MTOR: variants seen among roughly 807,000 people sequenced by gnomAD.
MTOR encodes the protein mechanistic target of rapamycin kinase.
Under a neutral mutation model 319.8 loss-of-function variants are expected in MTOR, and 70 were observed. The ratio of observed to expected loss-of-function variants is 0.22; its 90% confidence interval spans 0.18 to 0.27. The LOEUF (loss-of-function observed/expected upper bound fraction) is 0.27. Ranked by LOEUF, MTOR falls within the 10% of genes least tolerant of loss-of-function variation. The pLI is 1.00. For synonymous variants in MTOR, 1,183 were observed against 1,211.4 expected, an observed-to-expected ratio of 0.98 and a Z score of 0.49; for missense variants, 1,890 against 3,274.4, an observed-to-expected ratio of 0.58 and a Z score of 10.32.
At position 11,121,348 on chromosome 1, in the gene MTOR, G is replaced by A. The variant is rs1642513866; in HGVS notation, c.6831C>T (p.His2277=). ...IMLRMAPDYD[H]LTLMQKVEVF... is the part of the protein sequence containing the mutation. ...CCTCCACCTTCTGCATCAGAGTCAA[G>A]TGGTCATAGTCCGGAGCCATCTGCA... The change falls in exon 49 of 58, where the codon CAC becomes CAT. Residue 2277 remains histidine, a synonymous_variant. Transcript: ENST00000361445. This position sits in a 1 kb window ranked among gnomAD's most constrained non-coding sequence, Gnocchi z 4.9. 1 of 1,614,154 alleles carries A rather than the reference G, an allele frequency of 6.2e-7. No individual in the cohort carries two copies. The highest frequency in any genetic ancestry group is 8.5e-7 in the Non-Finnish European group (1 of 1,180,034).
intron 19 of MTOR, among the ~76,000 whole-genome samples, chr1:11,228,163 C>T (rs191605231): frequency 2.2e-4 from 34 of 151,902 alleles, no homozygotes; most frequent in Middle Eastern, 3.4e-3. Flanking sequence ...AATGACAATG[C>T]TTTTCCTCCC....
At chr1:11,158,185 T>G (rs1202992143) in intron 29 of MTOR, among the ~76,000 whole-genome samples, 1 of 152,188 alleles carries the variant, frequency 6.6e-6, no homozygotes, top group African/African-American at 2.4e-5. Context: ...AAATGACTAT[T>G]TTTGCACAGG....
At chr1:11,252,901 T>C (rs959899881) in intron 6 of MTOR, among the ~76,000 whole-genome samples, 4 of 152,218 alleles carry the variant, frequency 2.6e-5, no homozygotes, top group Non-Finnish European at 5.9e-5. Flanking sequence ...GCCGTGAGAA[T>C]GCAACCTCCA....
intron 16 of MTOR, 124 bp downstream of exon 16, chr1:11,232,312 A>G: frequency 1.7e-6 from 1 of 590,362 alleles, no homozygotes. Flanking sequence ...AATATTTTTG[A>G]GCACCTACTA....
At chr1:11,245,299 T>C (rs1648668194) in intron 8 of MTOR, among the ~76,000 whole-genome samples, 1 of 152,172 alleles carries the variant, frequency 6.6e-6, no homozygotes, top group Non-Finnish European at 1.5e-5. Context: ...TGGTCCCAAG[T>C]CCAGGCACCA....
intron 29 of MTOR, among the ~76,000 whole-genome samples, chr1:11,159,715 C>A (rs187409789): frequency 6.6e-6 from 1 of 151,864 alleles, no homozygotes; most frequent in Non-Finnish European, 1.5e-5. Flanking sequence ...AATTTACTAG[C>A]CCTTCTGTGA....
chr1:11,107,956 A>C (rs183048798), intron 57 of MTOR, among the ~76,000 whole-genome samples: 24 of 152,346 alleles, frequency 1.6e-4, no homozygotes. Flanking sequence ...ATCTTAATGT[A>C]ATTTTAATTT....
intron 26 of MTOR, among the ~76,000 whole-genome samples, chr1:11,200,002 T>A (rs1157923416): frequency 6.6e-6 from 1 of 152,204 alleles, no homozygotes; most frequent in East Asian, 1.9e-4. Flanking sequence ...CATTGTGATA[T>A]TCAGGGACTT....
intron 26 of MTOR, among the ~76,000 whole-genome samples, chr1:11,203,737 A>T (rs1331166876): frequency 6.6e-6 from 1 of 152,240 alleles, no homozygotes; most frequent in African/African-American, 2.4e-5. Flanking sequence ...CTCCTGTCCC[A>T]TATAGTCTGT....
intron 2 of MTOR, among the ~76,000 whole-genome samples, chr1:11,259,009 G>C (rs1296268685): frequency 6.6e-6 from 1 of 152,118 alleles, no homozygotes; most frequent in Non-Finnish European, 1.5e-5. Context: ...AAAGTTAAAA[G>C]AAACAGCTAA....
chr1:11,174,801 C>A (rs1644932059), intron 28 of MTOR, among the ~76,000 whole-genome samples: 2 of 152,142 alleles, frequency 1.3e-5, no homozygotes, highest in South Asian at 4.1e-4. Flanking sequence ...CCCTTGGGTG[C>A]CCCTCAGTCT....
At position 11,260,045 on chromosome 1, in the gene MTOR, A is replaced by G. The variant is rs773650884; in HGVS notation, c.-14-622T>C. On this transcript the variant is annotated intron_variant, in intron 1 of 57. Coordinates refer to ENST00000361445, the MANE Select transcript of MTOR (RefSeq NM_004958.4). ...AACTAAATGACTTAATACGTGTCAA[A>G]AAGTGTTTAAAACAGTGCAGGGCAT... Among the ~76,000 whole-genome samples the G allele has an allele frequency of 1.0e-3, 154 of 152,366 alleles. 3 individuals carry two copies. Among genetic ancestry groups the G allele is most frequent in the Non-Finnish European group, 4.4e-4 (30 of 68,034 alleles).
chr1:11,126,576 G>A (rs1642850924), intron 46 of MTOR, 46 bp downstream of exon 46: 3 of 1,595,046 alleles, frequency 1.9e-6, no homozygotes, highest in South Asian at 1.1e-5. Flanking sequence ...GTCTCAGCCA[G>A]TGTAGGAGGG....
At chr1:11,171,556 T>C (rs1215738703) in intron 28 of MTOR, among the ~76,000 whole-genome samples, 2 of 151,990 alleles carry the variant, frequency 1.3e-5, no homozygotes, top group African/African-American at 4.8e-5. Context: ...CTCCCAATTA[T>C]CACAGTGCAT....
intron 28 of MTOR, chr1:11,194,628 C>T: frequency 6.2e-7 from 1 of 1,614,232 alleles, no homozygotes; most frequent in African/African-American, 1.3e-5. Flanking sequence ...ACAATGACAA[C>T]TGCTTGGACA....
In MTOR at chr1:11,134,336, C is replaced by T; in HGVS notation, c.5246+15G>A. 6.2e-7 allele frequency: 1 copy of T among 1,610,980 alleles called. No homozygotes were observed. The highest frequency in any genetic ancestry group is 2.2e-5 in the East Asian group (1 of 44,864). On this transcript the variant is annotated intron_variant, in intron 37 of 57. Transcript: ENST00000361445. ...GGCTGGAATATGACTTGCCCCAGGTCAGTGGGGACCTCACCGGGCCATGAG... is the reference window on the plus strand; with the variant it reads ...GGCTGGAATATGACTTGCCCCAGGTTAGTGGGGACCTCACCGGGCCATGAG...
chr1:11,238,721 C>G (rs1052786269), intron 11 of MTOR, 104 bp from the exon 12 acceptor site: 1 of 930,754 alleles, frequency 1.1e-6, no homozygotes, highest in Non-Finnish European at 1.6e-6. Flanking sequence ...ACTAATTCTA[C>G]TTTCAACTAG....
rs768753129 is a variant in MTOR, at chr1:11,204,564, G to C, written c.3941C>G (p.Ala1314Gly). The change falls in exon 26 of 58, where the codon GCC becomes GGC. Residue 1314 changes from alanine (A) to glycine (G), a missense_variant. Around this residue, in one of 15 missense-constraint regions of MTOR, gnomAD observed 49 missense variants for 119.1 expected, o/e 0.41. Coordinates refer to ENST00000361445, the MANE Select transcript of MTOR (RefSeq NM_004958.4). Reference protein sequence around the residue: ...WALAQAYNPMARDLFNAAFVS... With the variant: ...WALAQAYNPMGRDLFNAAFVS... Reference sequence around the variant, plus strand: ...CACCCGCCCTGACACACTATACCTGGCCATCGGGTTGTAGGCCTGTGCCAG... The same window carrying C: ...CACCCGCCCTGACACACTATACCTGCCCATCGGGTTGTAGGCCTGTGCCAG... The C allele has an allele frequency of 6.2e-7, 1 of 1,613,862 alleles. No homozygotes were observed. The highest frequency in any genetic ancestry group is 8.5e-7 in the Non-Finnish European group (1 of 1,179,810).
chr1:11,165,668 C>T (rs1231341633), intron 29 of MTOR, among the ~76,000 whole-genome samples: 17 of 152,146 alleles, frequency 1.1e-4, no homozygotes, highest in Admixed American at 5.2e-4. Flanking sequence ...GGCCATACTG[C>T]CCAAGGTAAT....
Sources: allele counts gnomAD v4.1 joint callset (sites outside exome capture counted in the v4.1 genomes callset), GRCh38; gene constraint gnomAD v4.1.1; regional missense constraint gnomAD v4.1.1; non-coding constraint Gnocchi (gnomAD v3.1); transcripts MANE v1.5; gene names NCBI Gene and HGNC (gene_info 2026-07-23, HGNC 2026-07-21).